SRGAP2: variants seen among roughly 807,000 people sequenced by gnomAD.
SRGAP2 encodes the protein SLIT-ROBO Rho GTPase-activating protein 2.
Under a neutral mutation model 57.2 loss-of-function variants are expected in SRGAP2, and 15 were observed. That is an observed-to-expected ratio of 0.26 (90% CI 0.18 to 0.40). The LOEUF is 0.40. Ranked by LOEUF, SRGAP2 falls within the 10% of genes least tolerant of loss-of-function variation. SRGAP2 has a pLI of 1.00. For synonymous variants in SRGAP2, 249 were observed against 248.0 expected, an observed-to-expected ratio of 1.00 and a Z score of -0.04; for missense variants, 520 against 669.6, an observed-to-expected ratio of 0.78 and a Z score of 2.47.
chr1:206,409,651 A>G (rs1369591910), intron 10 of SRGAP2, among the ~76,000 whole-genome samples: 7 of 151,090 alleles, frequency 4.6e-5, no homozygotes, highest in African/African-American at 1.7e-4. Flanking sequence ...GTGTGGTGGC[A>G]GGCGCCTGTA....
At chr1:206,430,056 G>C (rs1661158102) in intron 13 of SRGAP2, 106 bp from the exon 14 acceptor site, 2 of 724,526 alleles carry the variant, frequency 2.8e-6, no homozygotes, top group Admixed American at 3.7e-5. Context: ...TTGTAGACCG[G>C]CTGGTGATCC....
intron 8 of SRGAP2, among the ~76,000 whole-genome samples, chr1:206,402,214 G>C (rs1207582252): frequency 1.3e-5 from 2 of 152,122 alleles, no homozygotes; most frequent in African/African-American, 4.8e-5. Flanking sequence ...TTTGGGTATT[G>C]AATAAAAAAG....
At chr1:206,327,340 AAAG>A (rs1186703773) in intron 3 of SRGAP2, among the ~76,000 whole-genome samples, 1 of 151,576 alleles carries the variant, frequency 6.6e-6, no homozygotes, top group South Asian at 2.1e-4. Context: ...AAAAAAAAAA[AAAG>A]AAGTGTTCCT....
chr1:206,281,936 C>T (rs1156264485), intron 2 of SRGAP2, among the ~76,000 whole-genome samples: 2 of 151,806 alleles, frequency 1.3e-5, no homozygotes, highest in Admixed American at 6.6e-5. Flanking sequence ...AAAAAAAAAC[C>T]TTTTCTTTGT....
intron 7 of SRGAP2, among the ~76,000 whole-genome samples, chr1:206,395,828 C>A (rs1553353156): frequency 6.9e-6 from 1 of 145,070 alleles, no homozygotes. Context: ...TTATTTTCAT[C>A]ATTTAAAAAA....
intron 22 of SRGAP2, among the ~76,000 whole-genome samples, chr1:206,460,133 C>A (rs144632412): frequency 4.6e-5 from 7 of 152,340 alleles, no homozygotes; most frequent in African/African-American, 1.7e-4. Context: ...GAAACCTTAA[C>A]CAAAGGCCTT....
intron 18 of SRGAP2, among the ~76,000 whole-genome samples, chr1:206,448,934 T>C (rs565343381): frequency 6.6e-6 from 1 of 152,348 alleles, no homozygotes; most frequent in South Asian, 2.1e-4. Flanking sequence ...TGACTTGCTC[T>C]ACACAGGATG....
intron 13 of SRGAP2, among the ~76,000 whole-genome samples, chr1:206,428,511 GT>G (rs1361708364): frequency 6.6e-6 from 1 of 152,000 alleles, no homozygotes; most frequent in Non-Finnish European, 1.5e-5. Context: ...ACCTGGCAAT[GT>G]TTGCTGAATG....
intron 3 of SRGAP2, among the ~76,000 whole-genome samples, chr1:206,335,824 C>T (rs1674732497): frequency 6.7e-6 from 1 of 149,856 alleles, no homozygotes; most frequent in African/African-American, 2.5e-5. Context: ...TGCCTCCTTT[C>T]TGCTGTGAGC....
At chr1:206,254,202 G>A (rs1669044362) in intron 2 of SRGAP2, among the ~76,000 whole-genome samples, 1 of 70,666 alleles carries the variant, frequency 1.4e-5, no homozygotes, top group Non-Finnish European at 2.6e-5. Flanking sequence ...TTTTTGGAGG[G>A]GGTTCAAATA....
chr1:206,364,413 T>C (rs1677133056), intron 4 of SRGAP2, among the ~76,000 whole-genome samples: 1 of 151,660 alleles, frequency 6.6e-6, no homozygotes, highest in Admixed American at 6.6e-5. Flanking sequence ...GTGATTCTCT[T>C]GCCTCAGCCT....
At chr1:206,346,293 T>C (rs1424139381) in intron 4 of SRGAP2, among the ~76,000 whole-genome samples, 1 of 151,958 alleles carries the variant, frequency 6.6e-6, no homozygotes, top group Non-Finnish European at 1.5e-5. Flanking sequence ...AAAAAAAGAG[T>C]GTGGTCTATG....
At chr1:206,458,588 C>G (rs1553379243) in intron 21 of SRGAP2, 35 bp from the exon 22 acceptor site, 2 of 693,822 alleles carry the variant, frequency 2.9e-6, no homozygotes, top group South Asian at 3.3e-5. Context: ...GCCAGGGCTC[C>G]CTGATCACAC....
intron 4 of SRGAP2, among the ~76,000 whole-genome samples, chr1:206,358,612 C>T (rs1553339882): frequency 2.7e-5 from 4 of 149,608 alleles, no homozygotes; most frequent in Non-Finnish European, 6.0e-5. Context: ...AAAGCATTCT[C>T]TTTTTGCTGC....
intron 15 of SRGAP2, chr1:206,437,702 A>G: frequency 4.6e-6 from 2 of 435,204 alleles, no homozygotes; most frequent in Non-Finnish European, 8.3e-6. Flanking sequence ...CTCAGCCCAT[A>G]GGGAATGTCC....
Position 206,206,009 on chromosome 1 carries a change from C to T in SRGAP2, c.39C>T (p.Ile13=). 6.5e-7 allele frequency: 1 copy of T among 1,548,364 alleles called. No homozygotes were observed. The highest frequency in any genetic ancestry group is 8.7e-7 in the Non-Finnish European group (1 of 1,146,826). ...CCAAATTCAAAAAGGATAAGGAGAT[C>T]ATAGCAGAGTACGATACTCAGGTCA... ...SPAKFKKDKE[I]IAEYDTQVKE... The change falls in exon 2 of 23, where the codon ATC becomes ATT. Residue 13 remains isoleucine, a synonymous_variant. Transcript: ENST00000573034.
At chr1:206,376,989 A>T (rs1655261021) in intron 4 of SRGAP2, among the ~76,000 whole-genome samples, 1 of 152,048 alleles carries the variant, frequency 6.6e-6, no homozygotes, top group Admixed American at 6.5e-5. Context: ...TGATTATTTT[A>T]TGGCCACTGT....
chr1:206,314,106 T>TTG (rs1553325211), intron 3 of SRGAP2, among the ~76,000 whole-genome samples: 37 of 75,840 alleles, frequency 4.9e-4, no homozygotes, highest in African/African-American at 1.4e-3. Context: ...GTTTTTTTTG[T>TTG]TTTTTTTTTT....
chr1:206,328,119 C>A (rs1324935359), intron 3 of SRGAP2, among the ~76,000 whole-genome samples: 4 of 119,324 alleles, frequency 3.4e-5, no homozygotes. Context: ...CATCCATGTC[C>A]CTACAAAGGA....
Sources: allele counts gnomAD v4.1 joint callset (sites outside exome capture counted in the v4.1 genomes callset), GRCh38; gene constraint gnomAD v4.1.1; transcripts MANE v1.5; gene names NCBI Gene and HGNC (gene_info 2026-07-23, HGNC 2026-07-21).